The following SMAP2 variants were observed in gnomAD, a reference collection of about 807,000 sequenced individuals.
SMAP2 encodes the protein stromal membrane-associated protein 2.
SMAP2 carries 25 observed loss-of-function variants against 56.4 expected under a neutral mutation model. That is an observed-to-expected ratio of 0.44 (90% CI 0.32 to 0.62). The LOEUF (loss-of-function observed/expected upper bound fraction) is 0.62. SMAP2 is among the 20% of genes least tolerant of loss of function. The pLI, the probability that SMAP2 is intolerant of heterozygous loss-of-function variation, is 0.04. For missense variants in SMAP2, 388 were observed against 545.6 expected (o/e 0.71, Z 2.88); for synonymous variants, 157 against 181.7 (o/e 0.86, Z 1.09).
chr1:40,397,151 C>A (rs1176092542), intron 1 of SMAP2, among the ~76,000 whole-genome samples: 1 of 152,082 alleles, frequency 6.6e-6, no homozygotes, highest in Admixed American at 6.6e-5. Flanking sequence ...TTGTTTGTTT[C>A]ATTTTACGTT....
At chr1:40,389,885 G>T (rs1644698553) in intron 1 of SMAP2, among the ~76,000 whole-genome samples, 2 of 152,028 alleles carry the variant, frequency 1.3e-5, no homozygotes, top group African/African-American at 4.8e-5. Context: ...GGGCTCTTTT[G>T]AAATTGTGAT....
intron 1 of SMAP2, chr1:40,403,741 G>A (rs990683615): frequency 1.4e-6 from 1 of 733,504 alleles, no homozygotes; most frequent in African/African-American, 1.9e-5. Flanking sequence ...CTAAGGCTCA[G>A]GAAATGTAAG....
intron 1 of SMAP2, among the ~76,000 whole-genome samples, chr1:40,345,734 T>A (rs1290757968): frequency 1.3e-5 from 2 of 151,382 alleles, no homozygotes; most frequent in Non-Finnish European, 2.9e-5. Context: ...TTTTAATATT[T>A]TATTTTAGAA....
intron 5 of SMAP2, 80 bp from the exon 6 acceptor site, chr1:40,414,079 C>G (rs1489996523): frequency 2.4e-6 from 3 of 1,256,336 alleles, no homozygotes; most frequent in Non-Finnish European, 3.5e-6. Flanking sequence ...CCCACAAGAA[C>G]ACCGTGGCTT....
intron 1 of SMAP2, chr1:40,393,199 G>T (rs1644734257): frequency 2.4e-6 from 2 of 826,238 alleles, no homozygotes; most frequent in South Asian, 2.2e-5. Flanking sequence ...GGTAGCACAT[G>T]CCTGTAGTCC....
upstream of SMAP2, among the ~76,000 whole-genome samples, chr1:40,371,439 A>G (rs759542805): frequency 2.0e-4 from 30 of 152,330 alleles, no homozygotes; most frequent in Middle Eastern, 3.4e-3. Context: ...ATACAGTGGT[A>G]AACAAACAAA....
intron 2 of SMAP2, 78 bp downstream of exon 2, chr1:40,406,947 G>T: frequency 6.8e-7 from 1 of 1,468,402 alleles, no homozygotes; most frequent in Non-Finnish European, 9.2e-7. Flanking sequence ...AGTCAAACCT[G>T]GCACAAAGGT....
intron 5 of SMAP2, chr1:40,413,842 G>T (rs961596091): frequency 3.7e-6 from 1 of 269,722 alleles, no homozygotes; most frequent in South Asian, 4.4e-5. Context: ...TTTATTCTTG[G>T]CTTTTCCTGG....
chr1:40,420,105 A>G (rs1396240876), intron 9 of SMAP2, among the ~76,000 whole-genome samples: 2 of 152,208 alleles, frequency 1.3e-5, no homozygotes, highest in African/African-American at 2.4e-5. Flanking sequence ...AAATTTATCA[A>G]AAGTTATGCC....
chr1:40,389,896 GC>G (rs956517632), intron 1 of SMAP2, among the ~76,000 whole-genome samples: 2 of 151,504 alleles, frequency 1.3e-5, no homozygotes, highest in African/African-American at 4.9e-5. Context: ...AAATTGTGAT[GC>G]CCCCACCTCC....
intron 1 of SMAP2, among the ~76,000 whole-genome samples, chr1:40,359,145 C>T (rs1644448975): frequency 6.6e-6 from 1 of 152,000 alleles, no homozygotes; most frequent in Admixed American, 6.6e-5. Flanking sequence ...CTTTGTTGCC[C>T]AGGTTGGAGT....
chr1:40,364,424 A>G (rs2312456), intron 2 of SMAP2, among the ~76,000 whole-genome samples: 83,099 of 151,896 alleles, frequency 0.55, 24,064 homozygotes, highest in African/African-American at 0.73. Context: ...TCCTATTTCT[A>G]CAAACAGAAA....
Position 40,415,323 on chromosome 1 carries a change from A to G in SMAP2, c.623A>G (p.Glu208Gly), listed in dbSNP as rs750470453. ...IANSKTSNTL[E>G]KDLDLLASVP... ...AATAGTAAGACCAGCAATACCCTAG[A>G]GAAGGATTTAGATCTGTTGGCCTCT... Residue 208 changes from glutamate (E) to glycine (G), a missense_variant, in exon 7 of 10, where the codon GAG becomes GGG. Coordinates refer to ENST00000372718, the MANE Select transcript of SMAP2 (RefSeq NM_022733.3). 9 of 1,613,988 alleles carry G rather than the reference A, an allele frequency of 5.6e-6. No individual in the cohort carries two copies. The Admixed American group carries it at 1.3e-4, about 24-fold the overall frequency.
intron 1 of SMAP2, chr1:40,396,813 A>T: frequency 1.0e-6 from 1 of 984,754 alleles, no homozygotes; most frequent in Non-Finnish European, 1.2e-6. Context: ...CAATTTTTCC[A>T]AGATCCCACT....
At chr1:40,383,039 A>G (rs1644614005) in intron 1 of SMAP2, among the ~76,000 whole-genome samples, 1 of 152,220 alleles carries the variant, frequency 6.6e-6, no homozygotes, top group South Asian at 2.1e-4. Context: ...AGTCAGAGGA[A>G]CAGAAGCCAC....
chr1:40,360,873 G>T (rs1418726538), intron 1 of SMAP2, among the ~76,000 whole-genome samples: 2 of 152,190 alleles, frequency 1.3e-5, no homozygotes, highest in Non-Finnish European at 2.9e-5. Context: ...CACCACCCCA[G>T]GCCAAAGTGC....
chr1:40,363,469 A>C (rs1375517433), intron 2 of SMAP2, among the ~76,000 whole-genome samples: 3 of 152,162 alleles, frequency 2.0e-5, no homozygotes, highest in Non-Finnish European at 2.9e-5. Flanking sequence ...TGACTTTTAA[A>C]ACTATGTGCA....
At chr1:40,375,823 A>G in intron 1 of SMAP2, 1 of 632,826 alleles carries the variant, frequency 1.6e-6, no homozygotes, top group Non-Finnish European at 1.8e-6. Flanking sequence ...TTTGGTGACT[A>G]GAACCCCCCC....
At chr1:40,381,700 A>AC (rs1255328767) in intron 1 of SMAP2, among the ~76,000 whole-genome samples, 1 of 152,182 alleles carries the variant, frequency 6.6e-6, no homozygotes, top group Non-Finnish European at 1.5e-5. Flanking sequence ...TTGAATATGC[A>AC]CTGTGCTTTA....
Sources: allele counts gnomAD v4.1 joint callset (sites outside exome capture counted in the v4.1 genomes callset), GRCh38; gene constraint gnomAD v4.1.1; transcripts MANE v1.5; gene names NCBI Gene and HGNC (gene_info 2026-07-23, HGNC 2026-07-21).